Variants in NTRK2 observed in about 807,000 individuals in gnomAD.
NTRK2 encodes neurotrophic receptor tyrosine kinase 2.
Under a neutral mutation model 94.5 loss-of-function variants are expected in NTRK2, and 13 were observed. The observed-to-expected ratio is 0.14, with a 90% CI of 0.09 to 0.22. The LOEUF (loss-of-function observed/expected upper bound fraction) is 0.22. NTRK2 is among the 10% of genes least tolerant of loss of function. The probability of loss-of-function intolerance (pLI) is 1.00; values close to 1 mark genes in which losing one functional copy is unlikely to be tolerated. For missense variants in NTRK2, 639 were observed against 1,071.2 expected, an observed-to-expected ratio of 0.60 and a Z score of 5.63; for synonymous variants, 372 against 407.4, an observed-to-expected ratio of 0.91 and a Z score of 1.05.
chr9:84,855,135 A>C (rs1174415675), intron 12 of NTRK2, among the ~76,000 whole-genome samples: 1 of 152,138 alleles, frequency 6.6e-6, no homozygotes, highest in African/African-American at 2.4e-5. Context: ...TCAGAAGTTT[A>C]TACTAAATGC....
At chr9:84,679,876 A>G (rs1484645567) in intron 2 of NTRK2, among the ~76,000 whole-genome samples, 1 of 152,178 alleles carries the variant, frequency 6.6e-6, no homozygotes, top group Non-Finnish European at 1.5e-5. Flanking sequence ...CCTGGGTGAC[A>G]GCCCTTCCAT....
chr9:84,699,980 C>T (rs999633889), intron 2 of NTRK2, among the ~76,000 whole-genome samples: 1 of 152,120 alleles, frequency 6.6e-6, no homozygotes, highest in African/African-American at 2.4e-5. Context: ...ATAATAAAGT[C>T]CCCATTGAGT....
At chr9:84,997,095 G>A (rs62565191) in intron 17 of NTRK2, among the ~76,000 whole-genome samples, 1 of 152,114 alleles carries the variant, frequency 6.6e-6, no homozygotes, top group Non-Finnish European at 1.5e-5. Context: ...ACCTTTTACA[G>A]TCCTTGTAAA....
chr9:84,886,612 G>A (rs1341376072), intron 14 of NTRK2, among the ~76,000 whole-genome samples: 1 of 152,138 alleles, frequency 6.6e-6, no homozygotes. Flanking sequence ...TGGTATCTGA[G>A]GCCTGCCACT....
intron 2 of NTRK2, among the ~76,000 whole-genome samples, chr9:84,677,221 G>A (rs577624885): frequency 2.6e-5 from 4 of 152,234 alleles, no homozygotes; most frequent in Non-Finnish European, 5.9e-5. Flanking sequence ...CAGCCCTTTC[G>A]ATGAGGTCTG....
At chr9:84,811,995 T>C (rs2071856600) in intron 12 of NTRK2, 2 of 1,011,644 alleles carry the variant, frequency 2.0e-6, no homozygotes, top group Non-Finnish European at 2.3e-6. Flanking sequence ...CACAATCAGC[T>C]CTGACAGTTA....
chr9:84,849,240 G>C (rs946566365), intron 12 of NTRK2, among the ~76,000 whole-genome samples: 1 of 152,148 alleles, frequency 6.6e-6, no homozygotes, highest in African/African-American at 2.4e-5. Context: ...AGAACCTCAT[G>C]ATGCTGCCTT....
chr9:84,989,706 C>G (rs1169043590), intron 17 of NTRK2, among the ~76,000 whole-genome samples: 1 of 152,226 alleles, frequency 6.6e-6, no homozygotes, highest in Admixed American at 6.5e-5. Flanking sequence ...CAGAACCAGG[C>G]TATAAGCCTT....
chr9:84,941,630 C>A (rs2078413065), intron 15 of NTRK2, among the ~76,000 whole-genome samples: 1 of 152,138 alleles, frequency 6.6e-6, no homozygotes, highest in South Asian at 2.1e-4. Context: ...CTACCATGAT[C>A]CACCAGCTCC....
chr9:84,912,034 G>A (rs2077250870), intron 14 of NTRK2, among the ~76,000 whole-genome samples: 1 of 151,976 alleles, frequency 6.6e-6, no homozygotes, highest in African/African-American at 2.4e-5. Flanking sequence ...TGTGTTGCTT[G>A]ATTTGCAAGT....
intron 12 of NTRK2, among the ~76,000 whole-genome samples, chr9:84,834,787 C>T (rs2073774523): frequency 6.6e-6 from 1 of 152,174 alleles, no homozygotes; most frequent in African/African-American, 2.4e-5. Context: ...GAGATCTGTG[C>T]TGTCATATAG....
intron 15 of NTRK2, among the ~76,000 whole-genome samples, chr9:84,934,876 T>C (rs1349080674): frequency 6.6e-6 from 1 of 152,152 alleles, no homozygotes; most frequent in Non-Finnish European, 1.5e-5. Flanking sequence ...TTTACTAAAA[T>C]GAAGACTGAA....
chr9:84,785,547 G>A (rs912951853), intron 12 of NTRK2, among the ~76,000 whole-genome samples: 9 of 152,202 alleles, frequency 5.9e-5, no homozygotes, highest in African/African-American at 2.2e-4. Flanking sequence ...AAGAAGGGCA[G>A]ATGCATTGCA....
At chr9:84,845,984 G>C (rs1264163596) in intron 12 of NTRK2, among the ~76,000 whole-genome samples, 4 of 151,614 alleles carry the variant, frequency 2.6e-5, no homozygotes, top group Non-Finnish European at 5.9e-5. Flanking sequence ...GCTTCTATTT[G>C]TTTCTGCCCA....
intron 12 of NTRK2, among the ~76,000 whole-genome samples, chr9:84,799,748 A>G (rs1195102635): frequency 6.6e-6 from 1 of 152,188 alleles, no homozygotes; most frequent in African/African-American, 2.4e-5. Flanking sequence ...TCTACTGAAT[A>G]TAAACAAGAA....
At chr9:84,671,905 A>C (rs553152951) in intron 2 of NTRK2, among the ~76,000 whole-genome samples, 2 of 152,236 alleles carry the variant, frequency 1.3e-5, no homozygotes, top group Non-Finnish European at 2.9e-5. Flanking sequence ...CCTCTACTGG[A>C]CTGTTATTGT....
intron 14 of NTRK2, among the ~76,000 whole-genome samples, chr9:84,870,362 T>TATATATATATAA: frequency 7.5e-6 from 1 of 132,814 alleles, no homozygotes; most frequent in Non-Finnish European, 1.6e-5. Context: ...TATATATATA[T>TATATATATATAA]ATAAAACTCT....
chr9:84,945,506 TCCTCCATAC>T (rs1479030850), intron 15 of NTRK2, among the ~76,000 whole-genome samples: 2 of 152,074 alleles, frequency 1.3e-5, no homozygotes, highest in Non-Finnish European at 2.9e-5. Flanking sequence ...CTCCTCCATC[TCCTCCATAC>T]CCTCCATACC....
intron 12 of NTRK2, among the ~76,000 whole-genome samples, chr9:84,778,964 C>CT (rs1265495852): frequency 6.6e-6 from 1 of 152,176 alleles, no homozygotes. Context: ...TTTTCATAGC[C>CT]TTAACAGGCT....
Sources: gnomAD v4.1 joint callset for allele counts (sites outside exome capture counted in the v4.1 genomes callset) on GRCh38, gnomAD v4.1.1 for gene constraint, MANE v1.5 for transcripts, NCBI Gene and HGNC (gene_info 2026-07-23, HGNC 2026-07-21) for gene names.